The following BAP1 variants were observed in gnomAD, a reference collection of about 807,000 sequenced individuals.
The protein encoded by BAP1 is BRCA1 associated deubiquitinase 1.
A neutral mutation model predicts 77.2 loss-of-function variants in BAP1; 16 were observed. The observed-to-expected ratio is 0.21, with a 90% confidence interval of 0.14 to 0.31. BAP1 has a LOEUF of 0.31. BAP1 is among the 10% of genes least tolerant of loss of function. BAP1 has a pLI of 1.00. For synonymous variants in BAP1, 362 were observed against 385.2 expected (o/e 0.94, Z 0.71); for missense variants, 699 against 967.3 (o/e 0.72, Z 3.68).
intron 3 of BAP1, 55 bp downstream of exon 3, chr3:52,409,499 G>A (rs1055875745): frequency 6.2e-7 from 1 of 1,608,122 alleles, no homozygotes; most frequent in Admixed American, 1.7e-5. Context: ...CTGTTCTCTG[G>A]GACCTTCCCC....
At chr3:52,405,702 C>T (rs2153227165) in intron 10 of BAP1, 63 bp downstream of exon 10, 1 of 1,604,056 alleles carries the variant, frequency 6.2e-7, no homozygotes, top group South Asian at 1.1e-5. Context: ...CTGTTTAGGC[C>T]TCCCATGTCA....
chr3:52,404,326 C>T, intron 12 of BAP1, 127 bp downstream of exon 12: 5 of 1,529,954 alleles, frequency 3.3e-6, no homozygotes, highest in South Asian at 1.1e-5. Context: ...GCCAGCCTCC[C>T]CCAGGGCCCC....
In BAP1 at chr3:52,407,939, T is replaced by G. The variant is rs1260446143; in HGVS notation, c.375+19A>C. The G allele has an allele frequency of 6.2e-7, 1 of 1,613,168 alleles. No individual in the cohort carries two copies. Among genetic ancestry groups the G allele is most frequent in the African/African-American group, 1.3e-5 (1 of 75,034 alleles). On this transcript the variant is annotated intron_variant, in intron 5 of 16. Coordinates refer to ENST00000460680, the MANE Select transcript of BAP1 (RefSeq NM_004656.4). Reference sequence around the variant, plus strand: ...CTGCCCAGTTGGCTGTGAGCCAGGATGAAGGCACTGCAGCCTACCTCAGGG... The same window carrying G: ...CTGCCCAGTTGGCTGTGAGCCAGGAGGAAGGCACTGCAGCCTACCTCAGGG...
intron 10 of BAP1, 124 bp from the exon 11 acceptor site, chr3:52,405,418 G>A: frequency 1.0e-6 from 1 of 977,098 alleles, no homozygotes; most frequent in South Asian, 1.3e-5. Flanking sequence ...GGTGCAATGG[G>A]AGTCAGCAAG....
intron 5 of BAP1, 49 bp downstream of exon 5, chr3:52,407,909 C>T (rs2153228048): frequency 6.2e-7 from 1 of 1,611,610 alleles, no homozygotes; most frequent in Non-Finnish European, 8.5e-7. Context: ...CCCTCAGGGT[C>T]AGATCTGCCC....
In BAP1 at chr3:52,403,010, TC is replaced by T; in HGVS notation, c.1890+127del. ...TGCCACCACCCAACCCAGAAAGTCT[TC>T]TGGCACATGGCTCCAGCCACCAATC... is the stretch of plus-strand genomic sequence containing the variant. On this transcript the variant is annotated intron_variant, in intron 14 of 16. Transcript: ENST00000460680. The surrounding 1 kb of genome is among the most constrained non-coding windows in gnomAD (Gnocchi z 4.0). 2 of 1,596,938 alleles carry T rather than the reference TC, an allele frequency of 1.3e-6. No individual in the cohort carries two copies. Among genetic ancestry groups the T allele is most frequent in the Non-Finnish European group, 1.7e-6 (2 of 1,176,524 alleles).
rs774348167 is a variant in BAP1, at chr3:52,403,423, C to T, written c.1722G>A (p.Ala574=). The T allele has an allele frequency of 5.0e-6, 8 of 1,613,672 alleles. No homozygotes were observed. The highest frequency in any genetic ancestry group is 1.1e-5 in the South Asian group (1 of 91,084). ...AGCCAGTCCAAGGCCCACCTGTCAG[C>T]GCCAGGGGACTCAGCACCCCATCCT... ...LAEDGVLSPL[A]LTEGGKGSSP... Residue 574 remains alanine (A), a synonymous_variant, in exon 13 of 17, where the codon GCG becomes GCA. Coordinates refer to ENST00000460680, the MANE Select transcript of BAP1 (RefSeq NM_004656.4). The surrounding 1 kb of genome is among the most constrained non-coding windows in gnomAD (Gnocchi z 4.0).
At position 52,404,538 on chromosome 3, in the gene BAP1, G is replaced by A. The variant is rs373809972; in HGVS notation, c.1165C>T (p.Arg389Cys). The change falls in exon 12 of 17, where the codon CGC becomes TGC. Residue 389 changes from arginine (R) to cysteine (C), a missense_variant. This residue lies in a region of BAP1 where 475 missense variants were observed against 532.4 expected (regional missense o/e 0.89). Coordinates refer to ENST00000460680, the MANE Select transcript of BAP1 (RefSeq NM_004656.4). ...AGVGRSRVPVRPPQQYSDDED... is the reference protein window; with the variant it reads ...AGVGRSRVPVCPPQQYSDDED... ...TCATCTGAGTACTGCTGGGGTGGGCGGACTGGAACTCGGCTGCGGCCCACA... is the reference window on the plus strand; with the variant it reads ...TCATCTGAGTACTGCTGGGGTGGGCAGACTGGAACTCGGCTGCGGCCCACA... The A allele has an allele frequency of 9.9e-6, 16 of 1,613,902 alleles. No individual in the cohort carries two copies. The highest frequency in any genetic ancestry group is 3.3e-5 in the Admixed American group (2 of 59,992).
chr3:52,406,298 A>G lies in BAP1; in HGVS notation c.738T>C (p.His246=), dbSNP rs373722238. 3.7e-6 allele frequency: 6 copies of G among 1,614,086 alleles called. No homozygotes were observed. The highest frequency in any genetic ancestry group is 2.2e-5 in the South Asian group (2 of 91,086). ...CTGTCTGACGGTTCACCTTCAGCAC[A>G]TGCAGCCTGGCCTCATACTTGATCC... is the stretch of plus-strand genomic sequence containing the variant. The part of the protein sequence containing the change: ...DRRIKYEARL[H]VLKVNRQTVL... Residue 246 remains histidine, a synonymous_variant, in exon 9 of 17, where the codon CAT becomes CAC. Coordinates refer to ENST00000460680, the MANE Select transcript of BAP1 (RefSeq NM_004656.4). The surrounding 1 kb of genome is among the most constrained non-coding windows in gnomAD (Gnocchi z 4.6).
Position 52,403,967 on chromosome 3 carries a change from T to A in BAP1, c.1251-73A>T. On this transcript the variant is annotated intron_variant, in intron 12 of 16. Transcript: ENST00000460680. This position sits in a 1 kb window ranked among gnomAD's most constrained non-coding sequence, Gnocchi z 4.0. ...ATACCCAGCAGTACCCAGAATGGCT[T>A]AAATACATCCCGACCTCCAGGGGCT... 1 of 1,502,046 alleles carries A rather than the reference T, an allele frequency of 6.7e-7. No individual in the cohort carries two copies. The highest frequency in any genetic ancestry group is 9.2e-7 in the Non-Finnish European group (1 of 1,085,332). 93.0% of individuals were successfully genotyped at this position (1,502,046 alleles called of 1,614,324 possible).
rs1060503739 is a variant in BAP1, at chr3:52,406,899, C to T, written c.589G>A (p.Gly197Arg). 1 of 1,571,674 alleles carries T rather than the reference C, an allele frequency of 6.4e-7. No homozygotes were observed. The highest frequency in any genetic ancestry group is 8.6e-7 in the Non-Finnish European group (1 of 1,157,506). The change falls in exon 8 of 17, where the codon GGG becomes AGG. Residue 197 changes from glycine (G) to arginine (R), a missense_variant. Gly to Arg is a moderately radical substitution (Grantham distance 125). Coordinates refer to ENST00000460680, the MANE Select transcript of BAP1 (RefSeq NM_004656.4). The surrounding 1 kb of genome is among the most constrained non-coding windows in gnomAD (Gnocchi z 4.6). ...TTGTCTGTCCACTCCTCGTCCTCCC[C>T]CCAGGGCCCTAGTGGAGACCAAGAC... ...KVYPIDHGPWGEDEEWTDKAR... is the reference protein window; with the variant it reads ...KVYPIDHGPWREDEEWTDKAR...
chr3:52,401,748 C>T lies in BAP1; in HGVS notation c.*540G>A. The T allele has an allele frequency of 4.1e-6, 1 of 246,120 alleles. No homozygotes were observed. Among genetic ancestry groups the T allele is most frequent in the African/African-American group, 2.2e-5 (1 of 45,614 alleles). 15.2% of individuals were successfully genotyped at this position (246,120 alleles called of 1,614,324 possible). On this transcript the variant is annotated 3_prime_UTR_variant, in exon 17 of 17. Coordinates refer to ENST00000460680, the MANE Select transcript of BAP1 (RefSeq NM_004656.4). ...AGAGGAATGAAGAGAGAAGACCTGG[C>T]TTCCTTACAACAGGGACAGGCTGGT...
chr3:52,409,759 A>G lies in BAP1; in HGVS notation c.38-16T>C. On this transcript the variant is annotated splice_polypyrimidine_tract_variant and intron_variant, in intron 1 of 16. Transcript: ENST00000460680. Reference sequence around the variant, plus strand: ...GTGAAGAGGCCTGGGTGGGGCGACAAGAGGAGGGGGTGATGGTCAGGCAGG... The same window carrying G: ...GTGAAGAGGCCTGGGTGGGGCGACAGGAGGAGGGGGTGATGGTCAGGCAGG... 6.2e-7 allele frequency: 1 copy of G among 1,613,748 alleles called. No individual in the cohort carries two copies. Among genetic ancestry groups the G allele is most frequent in the Non-Finnish European group, 8.5e-7 (1 of 1,179,918 alleles).
Position 52,408,071 on chromosome 3 carries a change from G to C in BAP1, c.262C>G (p.Pro88Ala), listed in dbSNP as rs1304265975. The C allele has an allele frequency of 1.2e-6, 2 of 1,606,334 alleles. No homozygotes were observed. The highest frequency in any genetic ancestry group is 1.7e-6 in the Non-Finnish European group (2 of 1,175,910). Residue 88 changes from proline (P) to alanine (A), a missense_variant, in exon 5 of 17, where the codon CCC becomes GCC. Physicochemically the swap from Pro to Ala is conservative, Grantham distance 27. Coordinates refer to ENST00000460680, the MANE Select transcript of BAP1 (RefSeq NM_004656.4). Reference protein sequence around the residue: ...NNMFFAHQLIPNSCATHALLS... With the variant: ...NNMFFAHQLIANSCATHALLS... ...AAGGCATGAGTTGCACAAGAGTTGG[G>C]TATCAGCTGTGAAACCAAGAATAGT...
Position 52,406,658 on chromosome 3 carries a change from A to T in BAP1, c.659+171T>A. 1 of 922,162 alleles carries T rather than the reference A, an allele frequency of 1.1e-6. No individual in the cohort carries two copies. The highest frequency in any genetic ancestry group is 1.6e-5 in the South Asian group (1 of 64,394). The allele number at this position is 922,162 out of a possible 1,614,324, so 57.1% of individuals were successfully genotyped here. A position where few individuals can be genotyped will look rare whatever the true frequency, so the allele number is the denominator to read the frequency against. On this transcript the variant is annotated intron_variant, in intron 8 of 16. Transcript: ENST00000460680. This position sits in a 1 kb window ranked among gnomAD's most constrained non-coding sequence, Gnocchi z 4.6. ...CCCAGCCCACCCAGGAGCAGGCCAC[A>T]GGCAGCCCAGGCAGGAAATAAGACA...
intron 1 of BAP1, 30 bp downstream of exon 1, chr3:52,409,812 A>C: frequency 6.2e-7 from 1 of 1,612,998 alleles, no homozygotes; most frequent in Non-Finnish European, 8.5e-7. Flanking sequence ...CGGCCTCCCC[A>C]GCCCCTGGCC....
In BAP1 at chr3:52,409,619, G is replaced by A. The variant is rs1458541837; in HGVS notation, c.68-11C>T. ...GCACCCCCTTGACACCTGCGATGAG[G>A]AAAGGAAAGCAGTAGGGAAGGACAG... is the stretch of plus-strand genomic sequence containing the variant. On this transcript the variant is annotated splice_polypyrimidine_tract_variant and intron_variant, in intron 2 of 16. Transcript: ENST00000460680. The A allele has an allele frequency of 1.2e-6, 2 of 1,614,088 alleles. No individual in the cohort carries two copies. The highest frequency in any genetic ancestry group is 2.7e-5 in the African/African-American group (2 of 74,934).
chr3:52,405,411 G>T, intron 10 of BAP1, 117 bp from the exon 11 acceptor site: 1 of 1,082,598 alleles, frequency 9.2e-7, no homozygotes, highest in Non-Finnish European at 1.3e-6. Flanking sequence ...GCCAGCTGGT[G>T]CAATGGGAGT....
rs1272136993 is a variant in BAP1, at chr3:52,402,313, C to T, written c.2165G>A (p.Arg722His). The change falls in exon 17 of 17, where the codon CGC (arginine) becomes CAC (histidine). Residue 722 changes from arginine to histidine, a missense_variant. Physicochemically the swap from Arg to His is conservative, Grantham distance 29. Transcript: ENST00000460680. This position sits in a 1 kb window ranked among gnomAD's most constrained non-coding sequence, Gnocchi z 5.3. ...QRKPDRRKRSRPYKAKRQ is the reference protein window; with the variant it reads ...QRKPDRRKRSHPYKAKRQ ...TCACTGGCGCTTGGCCTTGTAGGGG[C>T]GAGAGCGTTTCCGCCGGTCAGGCTT... 3 of 1,598,050 alleles carry T rather than the reference C, an allele frequency of 1.9e-6. No homozygotes were observed. Among genetic ancestry groups the T allele is most frequent in the Non-Finnish European group, 2.6e-6 (3 of 1,173,922 alleles).
Sources: allele counts gnomAD v4.1 joint callset, GRCh38; gene constraint gnomAD v4.1.1; regional missense constraint gnomAD v4.1.1; non-coding constraint Gnocchi (gnomAD v3.1); transcripts MANE v1.5; gene names NCBI Gene and HGNC (gene_info 2026-07-23, HGNC 2026-07-21).